TMEM117: variants seen among roughly 807,000 people sequenced by gnomAD.
TMEM117 encodes the protein transmembrane protein 117.
TMEM117 carries 27 observed loss-of-function variants against 52.4 expected under a neutral mutation model. The ratio of observed to expected loss-of-function variants is 0.51; its 90% CI spans 0.38 to 0.71. TMEM117 has a LOEUF of 0.71. Ranked by LOEUF, TMEM117 falls within the 30% of genes least tolerant of loss-of-function variation. The probability of loss-of-function intolerance (pLI) is 0.00; values close to 1 mark genes in which losing one functional copy is unlikely to be tolerated. For missense variants in TMEM117, 556 were observed against 630.5 expected, an observed-to-expected ratio of 0.88 and a Z score of 1.26; for synonymous variants, 215 against 206.3, an observed-to-expected ratio of 1.04 and a Z score of -0.36.
At chr12:44,237,192 G>A (rs1352778642) in intron 5 of TMEM117, among the ~76,000 whole-genome samples, 2 of 152,060 alleles carry the variant, frequency 1.3e-5, no homozygotes, top group Admixed American at 1.3e-4. Flanking sequence ...TGAAGCAGAA[G>A]TTTCAAGATA....
intron 6 of TMEM117, among the ~76,000 whole-genome samples, chr12:44,357,320 C>T (rs890636300): frequency 2.9e-4 from 44 of 152,068 alleles, no homozygotes; most frequent in Admixed American, 7.2e-4. Flanking sequence ...TGTGTCCCCA[C>T]TAAACTGTGT....
chr12:44,383,323 T>G (rs1005513446), intron 7 of TMEM117, among the ~76,000 whole-genome samples: 1 of 150,560 alleles, frequency 6.6e-6, no homozygotes, highest in Non-Finnish European at 1.5e-5. Context: ...AAATAACACT[T>G]TCCCTCAAAT....
chr12:44,150,526 T>A (rs1205791876), intron 4 of TMEM117, among the ~76,000 whole-genome samples: 1 of 152,150 alleles, frequency 6.6e-6, no homozygotes, highest in East Asian at 1.9e-4. Flanking sequence ...CAAAAAAAAT[T>A]AATAATAATC....
chr12:43,900,171 T>C (rs1336386411), intron 2 of TMEM117, among the ~76,000 whole-genome samples: 1 of 152,202 alleles, frequency 6.6e-6, no homozygotes, highest in Non-Finnish European at 1.5e-5. Flanking sequence ...CAGCATATTG[T>C]ATTTAAATAG....
intron 4 of TMEM117, among the ~76,000 whole-genome samples, chr12:44,200,310 G>T (rs1459610235): frequency 6.6e-6 from 1 of 152,054 alleles, no homozygotes. Context: ...TCTCTCAAAA[G>T]AGCTGAAACG....
chr12:44,220,013 G>T (rs1393351518), intron 5 of TMEM117, among the ~76,000 whole-genome samples: 2 of 152,114 alleles, frequency 1.3e-5, no homozygotes, highest in African/African-American at 4.8e-5. Context: ...GTTTTAGCAT[G>T]CTCATTCCAT....
At chr12:44,126,159 T>A (rs938562798) in intron 3 of TMEM117, among the ~76,000 whole-genome samples, 2 of 152,152 alleles carry the variant, frequency 1.3e-5, no homozygotes, top group African/African-American at 2.4e-5. Context: ...ATTTATCCAA[T>A]CCACCATTAA....
intron 3 of TMEM117, among the ~76,000 whole-genome samples, chr12:44,120,685 C>T (rs1048476866): frequency 1.3e-5 from 2 of 152,184 alleles, no homozygotes; most frequent in African/African-American, 4.8e-5. Context: ...GGCTGAGCAG[C>T]TCTAGCTTGG....
chr12:44,142,040 TTG>T (rs976053707), intron 3 of TMEM117, among the ~76,000 whole-genome samples: 167 of 152,312 alleles, frequency 1.1e-3, no homozygotes, highest in African/African-American at 3.8e-3. Context: ...ATTTCTGCGT[TTG>T]TGAGTCAATC....
intron 6 of TMEM117, among the ~76,000 whole-genome samples, chr12:44,315,848 CTGTTT>C (rs1357237478): frequency 1.3e-5 from 2 of 152,140 alleles, no homozygotes; most frequent in African/African-American, 4.8e-5. Context: ...GGCTTAAAGT[CTGTTT>C]TATCTGATAT....
chr12:44,393,215 G>A (rs937737220), downstream of TMEM117, among the ~76,000 whole-genome samples: 2 of 151,926 alleles, frequency 1.3e-5, no homozygotes, highest in Non-Finnish European at 2.9e-5. Flanking sequence ...CTCTCCTAAG[G>A]TCTAAATTCC....
intron 4 of TMEM117, among the ~76,000 whole-genome samples, chr12:44,163,353 A>T (rs1413911827): frequency 1.3e-5 from 2 of 152,042 alleles, no homozygotes; most frequent in African/African-American, 4.8e-5. Context: ...ATGCTGTAAA[A>T]CCTGTTTTAT....
chr12:44,072,866 C>T lies in TMEM117; in HGVS notation c.411-70659C>T, dbSNP rs1947323355. ...CAGCACTTTGGGAGGCCGAGGTGGG[C>T]GGATCATGAAGTCAAGAGATCGAGA... On this transcript the variant is annotated intron_variant, in intron 3 of 7. Coordinates refer to ENST00000266534, the MANE Select transcript of TMEM117 (RefSeq NM_032256.3). 2.6e-5 allele frequency among the ~76,000 whole-genome samples: 4 copies of T among 152,012 alleles called. No homozygotes were observed. The South Asian group carries it at 8.3e-4, about 32-fold the overall frequency.
At chr12:44,211,004 T>C (rs915633689) in intron 4 of TMEM117, among the ~76,000 whole-genome samples, 6 of 152,164 alleles carry the variant, frequency 3.9e-5, no homozygotes, top group African/African-American at 1.4e-4. Context: ...TTACATATGC[T>C]TTGTTTCTAT....
chr12:43,897,390 C>T (rs1944224042), intron 2 of TMEM117, among the ~76,000 whole-genome samples: 1 of 150,106 alleles, frequency 6.7e-6, no homozygotes. Flanking sequence ...TGGCTCACTG[C>T]AACTTCCGCC....
intron 2 of TMEM117, among the ~76,000 whole-genome samples, chr12:43,906,544 T>C (rs2407784): frequency 0.71 from 107,393 of 151,464 alleles, 41,061 homozygotes; most frequent in East Asian, 0.87. Flanking sequence ...GCGTGAGCGA[T>C]GTAGAAGACC....
At chr12:43,898,050 A>G (rs544503047) in intron 2 of TMEM117, among the ~76,000 whole-genome samples, 2 of 119,138 alleles carry the variant, frequency 1.7e-5, no homozygotes, top group African/African-American at 5.2e-5. Context: ...ACACGCACGC[A>G]CACACACACA....
intron 1 of TMEM117, among the ~76,000 whole-genome samples, chr12:43,841,922 G>A (rs1565714207): frequency 6.6e-6 from 1 of 152,162 alleles, no homozygotes; most frequent in Non-Finnish European, 1.5e-5. Context: ...GGTGGTGATA[G>A]CAACCATATC....
At chr12:44,146,067 G>A (rs1032608330) in intron 4 of TMEM117, among the ~76,000 whole-genome samples, 3 of 151,982 alleles carry the variant, frequency 2.0e-5, no homozygotes, top group African/African-American at 7.3e-5. Flanking sequence ...TAACCATAGG[G>A]AGGGGTCCAA....
Sources: allele counts gnomAD v4.1 joint callset (sites outside exome capture counted in the v4.1 genomes callset), GRCh38; gene constraint gnomAD v4.1.1; transcripts MANE v1.5; gene names NCBI Gene and HGNC (gene_info 2026-07-23, HGNC 2026-07-21).